Variants in TBCD observed in about 807,000 individuals in gnomAD.
TBCD encodes tubulin folding cofactor D, also known as tubulin-specific chaperone D.
A neutral mutation model predicts 169.3 loss-of-function variants in TBCD; 105 were observed. The ratio of observed to expected loss-of-function variants is 0.62; its 90% CI spans 0.53 to 0.73. The LOEUF (loss-of-function observed/expected upper bound fraction) is 0.73, where lower values mean the gene tolerates loss of function less well. Among genes scored for constraint, TBCD ranks in the 30% least tolerant of loss-of-function variants. The probability of loss-of-function intolerance (pLI) is 0.00; values close to 1 mark genes in which losing one functional copy is unlikely to be tolerated. For missense variants in TBCD, 1,444 were observed against 1,600.1 expected (o/e 0.90, Z 1.66); for synonymous variants, 700 against 643.9 (o/e 1.09, Z -1.32).
Position 82,923,961 on chromosome 17 carries a change from G to T in TBCD, c.2260+228G>T, listed in dbSNP as rs891126674. 2.6e-4 allele frequency among the ~76,000 whole-genome samples: 39 copies of T among 152,086 alleles called. No individual in the cohort carries two copies. The highest frequency in any genetic ancestry group is 9.4e-4 in the African/African-American group (39 of 41,398). ...TCTGAACAGGTGGCTCAGCAGGGAC[G>T]CGTCTCTGTTGACGGCACCCTCTTG... is the stretch of plus-strand genomic sequence containing the variant. On this transcript the variant is annotated intron_variant, in intron 26 of 38. Transcript: ENST00000355528. The surrounding 1 kb of genome is among the most constrained non-coding windows in gnomAD (Gnocchi z 4.6).
intron 13 of TBCD, among the ~76,000 whole-genome samples, chr17:82,853,486 T>C (rs1005380443): frequency 2.0e-5 from 3 of 152,096 alleles, no homozygotes; most frequent in Admixed American, 6.5e-5. Context: ...CACTGTAGCT[T>C]TGAACTCATG....
chr17:82,932,471 C>G (rs981839605), intron 33 of TBCD, among the ~76,000 whole-genome samples, 187 bp from the exon 34 acceptor site: 30 of 152,258 alleles, frequency 2.0e-4, no homozygotes, highest in African/African-American at 7.0e-4. Flanking sequence ...CGAAGTTCAG[C>G]GTCAGCCTCC....
chr17:82,830,220 G>A, intron 13 of TBCD: 1 of 1,614,234 alleles, frequency 6.2e-7, no homozygotes, highest in Non-Finnish European at 8.5e-7. Flanking sequence ...CTCCTTGCTG[G>A]GATTTTCCAG....
rs1432694619 is a variant in TBCD, at chr17:82,890,545, A to G, written c.1563+848A>G. Among the ~76,000 whole-genome samples the G allele has an allele frequency of 6.6e-6, 1 of 152,208 alleles. No individual in the cohort carries two copies. The highest frequency in any genetic ancestry group is 1.5e-5 in the Non-Finnish European group (1 of 68,038). On this transcript the variant is annotated intron_variant, in intron 16 of 38. Coordinates refer to ENST00000355528, the MANE Select transcript of TBCD (RefSeq NM_005993.5). This position sits in a 1 kb window ranked among gnomAD's most constrained non-coding sequence, Gnocchi z 5.3. ...ATTGAGGCCAAATGAGTCCACAGGA[A>G]AAGCCGGATGCCAGAGTCAGCTGGA... is the stretch of plus-strand genomic sequence containing the variant.
At position 82,890,627 on chromosome 17, in the gene TBCD, C is replaced by A. The variant is rs960581430; in HGVS notation, c.1563+930C>A. Among the ~76,000 whole-genome samples the A allele has an allele frequency of 6.6e-6, 1 of 151,988 alleles. No individual in the cohort carries two copies. The highest frequency in any genetic ancestry group is 1.5e-5 in the Non-Finnish European group (1 of 68,004). ...TTGAAATGGTTCTGGAGGAGCCTGG[C>A]GTGAGTGGTGTGGGCGGCTTTCTGT... On this transcript the variant is annotated intron_variant, in intron 16 of 38. Coordinates refer to ENST00000355528, the MANE Select transcript of TBCD (RefSeq NM_005993.5). The surrounding 1 kb of genome is among the most constrained non-coding windows in gnomAD (Gnocchi z 5.3).
intron 7 of TBCD, among the ~76,000 whole-genome samples, chr17:82,786,107 C>T (rs1212538844): frequency 6.6e-6 from 1 of 152,086 alleles, no homozygotes; most frequent in Non-Finnish European, 1.5e-5. Flanking sequence ...GCCTACCAGC[C>T]CGTGGGGCCA....
At chr17:82,829,625 C>T (rs2053292966) in intron 13 of TBCD, 1 of 162,916 alleles carries the variant, frequency 6.1e-6, no homozygotes, top group South Asian at 1.6e-4. Flanking sequence ...AATGCACTTT[C>T]CCTAGTGGAA....
chr17:82,862,903 G>A (rs1211404253), intron 13 of TBCD, among the ~76,000 whole-genome samples: 4 of 152,230 alleles, frequency 2.6e-5, no homozygotes, highest in Admixed American at 2.0e-4. Context: ...GGCTGCCGGC[G>A]TGCGGGTGTG....
chr17:82,871,076 G>A (rs1216298441), intron 14 of TBCD, among the ~76,000 whole-genome samples: 1 of 152,230 alleles, frequency 6.6e-6, no homozygotes, highest in East Asian at 1.9e-4. Flanking sequence ...AAGCCAGCAG[G>A]TTTCATGGGA....
At chr17:82,855,993 CTTTT>C (rs60978063) in intron 13 of TBCD, among the ~76,000 whole-genome samples, 2 of 66,264 alleles carry the variant, frequency 3.0e-5, no homozygotes, top group African/African-American at 1.4e-4. Context: ...TCCCCCCCCA[CTTTT>C]TTTTTTTTTT....
intron 3 of TBCD, 34 bp downstream of exon 3, chr17:82,764,096 T>C (rs759548901): frequency 6.5e-7 from 1 of 1,527,342 alleles, no homozygotes; most frequent in African/African-American, 1.4e-5. Flanking sequence ...AGTTGACAGA[T>C]ACTTTTGTAA....
At chr17:82,755,697 A>C (rs770409953) in intron 1 of TBCD, among the ~76,000 whole-genome samples, 1 of 152,134 alleles carries the variant, frequency 6.6e-6, no homozygotes, top group East Asian at 1.9e-4. Context: ...CTTGGCCAAG[A>C]GGAGGGGTCT....
At chr17:82,834,148 A>G (rs535054205) in intron 13 of TBCD, among the ~76,000 whole-genome samples, 1 of 152,216 alleles carries the variant, frequency 6.6e-6, no homozygotes, top group East Asian at 1.9e-4. Flanking sequence ...GGGTTTTGCC[A>G]TGTGGGCCAG....
At position 82,806,126 on chromosome 17, in the gene TBCD, G is replaced by T; in HGVS notation, c.1087+115G>T. 7.0e-7 allele frequency: 1 copy of T among 1,423,520 alleles called. No homozygotes were observed. 88.2% of individuals were successfully genotyped at this position (1,423,520 alleles called of 1,614,324 possible). ...TGGTGCCGGCACTGTCTGGCCACCC[G>T]TCCCCTTCGCTGAGTGCACGGTCAC... On this transcript the variant is annotated intron_variant, in intron 10 of 38. Transcript: ENST00000355528. This position sits in a 1 kb window ranked among gnomAD's most constrained non-coding sequence, Gnocchi z 5.1.
At chr17:82,809,448 C>T (rs530930916) in intron 11 of TBCD, among the ~76,000 whole-genome samples, 32 of 152,270 alleles carry the variant, frequency 2.1e-4, no homozygotes, top group Non-Finnish European at 3.8e-4. Flanking sequence ...CTGCAGCGTC[C>T]GCGTTACAGT....
intron 10 of TBCD, 100 bp from the exon 11 acceptor site, chr17:82,807,508 G>A (rs542223892): frequency 1.7e-5 from 12 of 688,174 alleles, no homozygotes; most frequent in Admixed American, 1.3e-4. Flanking sequence ...AATTCCCTTC[G>A]GCGTGTGCAC....
chr17:82,868,016 G>C (rs61418580), intron 13 of TBCD, among the ~76,000 whole-genome samples: 1,565 of 152,294 alleles, frequency 0.01, 20 homozygotes, highest in African/African-American at 0.035. Context: ...GTGTGTGGCC[G>C]TGCAGGGCCT....
intron 13 of TBCD, among the ~76,000 whole-genome samples, chr17:82,837,091 G>A (rs182540477): frequency 3.3e-5 from 5 of 152,294 alleles, no homozygotes; most frequent in Admixed American, 2.0e-4. Context: ...GTTGTAAGCC[G>A]GGCGTAGGTC....
chr17:82,875,749 G>C (rs557884079), intron 14 of TBCD, among the ~76,000 whole-genome samples: 77 of 152,232 alleles, frequency 5.1e-4, no homozygotes, highest in East Asian at 3.3e-3. Context: ...ACAGCTTCCA[G>C]GGGAAGACAA....
Sources: gnomAD v4.1 joint callset for allele counts (sites outside exome capture counted in the v4.1 genomes callset) on GRCh38, gnomAD v4.1.1 for gene constraint, Gnocchi (gnomAD v3.1) non-coding constraint, MANE v1.5 for transcripts, NCBI Gene and HGNC (gene_info 2026-07-23, HGNC 2026-07-21) for gene names.